WWOX: variants seen among roughly 807,000 people sequenced by gnomAD.
The protein encoded by WWOX is WW domain containing oxidoreductase.
WWOX carries 69 observed loss-of-function variants against 46.2 expected under a neutral mutation model. The ratio of observed to expected loss-of-function variants is 1.49; its 90% CI spans 1.23 to 1.82. The LOEUF (loss-of-function observed/expected upper bound fraction) is 1.82. WWOX is among the 40% of genes most tolerant of loss of function. The pLI is 0.00. For missense variants in WWOX, 919 were observed against 542.6 expected (o/e 1.69, Z -6.89); for synonymous variants, 359 against 202.6 (o/e 1.77, Z -6.56).
chr16:79,035,054 A>C (rs568204235), intron 8 of WWOX, among the ~76,000 whole-genome samples: 1 of 152,316 alleles, frequency 6.6e-6, no homozygotes, highest in Admixed American at 6.5e-5. Context: ...CCTACATTCA[A>C]CATTGTACTC....
At chr16:78,878,842 G>A (rs1045662700) in intron 8 of WWOX, among the ~76,000 whole-genome samples, 7 of 142,832 alleles carry the variant, frequency 4.9e-5, no homozygotes, top group African/African-American at 7.8e-5. Context: ...GGTCTCTTGA[G>A]TCCAGGAGTT....
intron 8 of WWOX, among the ~76,000 whole-genome samples, chr16:78,824,047 G>C (rs1055359178): frequency 2.0e-5 from 3 of 151,968 alleles, no homozygotes; most frequent in Non-Finnish European, 4.4e-5. Flanking sequence ...TTCATTGTAG[G>C]TTTCTAGCCT....
chr16:78,865,708 C>T (rs1260579449), intron 8 of WWOX, among the ~76,000 whole-genome samples: 1 of 152,004 alleles, frequency 6.6e-6, no homozygotes, highest in African/African-American at 2.4e-5. Context: ...GGTGAAACCC[C>T]ATCTCTACTA....
chr16:79,079,873 G>T (rs959055638), intron 8 of WWOX, among the ~76,000 whole-genome samples: 1 of 152,166 alleles, frequency 6.6e-6, no homozygotes, highest in African/African-American at 2.4e-5. Flanking sequence ...TTGCCCCATT[G>T]CACGAATATA....
intron 8 of WWOX, among the ~76,000 whole-genome samples, chr16:79,035,575 A>G (rs969625072): frequency 4.6e-5 from 7 of 152,002 alleles, no homozygotes; most frequent in South Asian, 4.1e-4. Context: ...GTCTCACTCT[A>G]TCATCCAGGC....
At chr16:78,235,345 G>T (rs1221734988) in intron 5 of WWOX, among the ~76,000 whole-genome samples, 2 of 152,154 alleles carry the variant, frequency 1.3e-5, no homozygotes, top group African/African-American at 4.8e-5. Context: ...CTGTTGTCTG[G>T]TGGAGGGAAA....
intron 8 of WWOX, among the ~76,000 whole-genome samples, chr16:78,912,476 C>G (rs2045137080): frequency 6.6e-6 from 1 of 151,870 alleles, no homozygotes; most frequent in Non-Finnish European, 1.5e-5. Flanking sequence ...AAGCCACTAA[C>G]ACGGGATCTG....
At chr16:79,169,737 G>A (rs187710215) in intron 8 of WWOX, among the ~76,000 whole-genome samples, 2 of 152,290 alleles carry the variant, frequency 1.3e-5, no homozygotes, top group South Asian at 2.1e-4. Context: ...GGCTGGGATC[G>A]CCAGTGCCCA....
chr16:78,688,356 A>G (rs1329351717), intron 8 of WWOX, among the ~76,000 whole-genome samples: 4 of 146,938 alleles, frequency 2.7e-5, no homozygotes, highest in East Asian at 3.9e-4. Flanking sequence ...ATGAGTCACT[A>G]TATCAGTTAC....
intron 5 of WWOX, among the ~76,000 whole-genome samples, chr16:78,239,707 G>A (rs771070416): frequency 5.9e-5 from 9 of 151,960 alleles, no homozygotes; most frequent in Admixed American, 5.2e-4. Flanking sequence ...GCTAGTTTTT[G>A]TATTTTTTAG....
At chr16:78,193,396 T>G (rs1393416259) in intron 5 of WWOX, among the ~76,000 whole-genome samples, 5 of 152,222 alleles carry the variant, frequency 3.3e-5, no homozygotes, top group African/African-American at 1.2e-4. Context: ...AACATACATG[T>G]TGAAAATTTC....
intron 8 of WWOX, among the ~76,000 whole-genome samples, chr16:79,003,793 G>A (rs187368222): frequency 1.3e-5 from 2 of 152,286 alleles, no homozygotes; most frequent in East Asian, 3.9e-4. Flanking sequence ...TCAGAAGGCA[G>A]AGGGTGTCAC....
At chr16:78,418,528 C>T (rs2082850917) in intron 6 of WWOX, among the ~76,000 whole-genome samples, 1 of 152,092 alleles carries the variant, frequency 6.6e-6, no homozygotes, top group East Asian at 1.9e-4. Context: ...GTCACTTTCA[C>T]TTATAAATAG....
intron 5 of WWOX, among the ~76,000 whole-genome samples, chr16:78,377,856 T>C (rs9934452): frequency 0.93 from 141,408 of 152,264 alleles, 65,953 homozygotes; most frequent in African/African-American, 0.98. Context: ...TGAATAGACT[T>C]AGAATTACCT....
At chr16:78,643,041 C>A (rs1403996256) in intron 8 of WWOX, among the ~76,000 whole-genome samples, 1 of 152,132 alleles carries the variant, frequency 6.6e-6, no homozygotes, top group East Asian at 1.9e-4. Flanking sequence ...GTTAGTGCTA[C>A]TATTATCCCT....
chr16:79,180,353 G>A (rs2050886052), intron 8 of WWOX, among the ~76,000 whole-genome samples: 1 of 152,230 alleles, frequency 6.6e-6, no homozygotes, highest in Admixed American at 6.5e-5. Flanking sequence ...TGGATCAATA[G>A]TGATTTGAAT....
intron 8 of WWOX, among the ~76,000 whole-genome samples, chr16:78,733,481 C>T (rs1282111758): frequency 1.3e-5 from 2 of 151,594 alleles, no homozygotes; most frequent in Admixed American, 6.6e-5. Context: ...GGCATGGTGG[C>T]TCATGCCTGT....
At chr16:78,836,837 G>C (rs1032069730) in intron 8 of WWOX, among the ~76,000 whole-genome samples, 1 of 152,158 alleles carries the variant, frequency 6.6e-6, no homozygotes. Flanking sequence ...ACGGGACTGA[G>C]ATGAAACAGA....
At chr16:78,865,214 G>A (rs969323187) in intron 8 of WWOX, among the ~76,000 whole-genome samples, 2 of 152,100 alleles carry the variant, frequency 1.3e-5, no homozygotes, top group South Asian at 2.1e-4. Context: ...GAATGATTTA[G>A]GATGCGATCA....
Sources: allele counts gnomAD v4.1 joint callset (sites outside exome capture counted in the v4.1 genomes callset), GRCh38; gene constraint gnomAD v4.1.1; transcripts MANE v1.5; gene names NCBI Gene and HGNC (gene_info 2026-07-23, HGNC 2026-07-21).